Variants in CHST11 observed in about 807,000 individuals in gnomAD.
CHST11 encodes carbohydrate sulfotransferase 11, also known as C4S-1.
A neutral mutation model predicts 30.4 loss-of-function variants in CHST11; 9 were observed. The observed-to-expected ratio is 0.30, with a 90% confidence interval of 0.18 to 0.52. The LOEUF is 0.52. Among genes scored for constraint, CHST11 ranks in the 20% least tolerant of loss-of-function variants. CHST11 has a pLI of 0.97. For synonymous variants in CHST11, 152 were observed against 187.8 expected, an observed-to-expected ratio of 0.81 and a Z score of 1.56; for missense variants, 348 against 460.6, an observed-to-expected ratio of 0.76 and a Z score of 2.24.
chr12:104,753,420 A>C (rs2040450322), intron 2 of CHST11, among the ~76,000 whole-genome samples: 1 of 152,250 alleles, frequency 6.6e-6, no homozygotes, highest in African/African-American at 2.4e-5. Context: ...GTTAGGTGTC[A>C]TCATCATCCT....
chr12:104,676,048 A>ATCC lies in CHST11; in HGVS notation c.204+74057_204+74058insTCC, dbSNP rs1187321428. On this transcript the variant is annotated intron_variant, in intron 2 of 2. Transcript: ENST00000303694. The surrounding 1 kb of genome is among the most constrained non-coding windows in gnomAD (Gnocchi z 4.4). Reference sequence around the variant, plus strand: ...ACTCCTATAATTCTGTCTGCATAGGAAAGACCTGTTCAATGATCATCTTTT... The same window carrying ATCC: ...ACTCCTATAATTCTGTCTGCATAGGATCCAAGACCTGTTCAATGATCATCTTTT... 6.6e-6 allele frequency among the ~76,000 whole-genome samples: 1 copy of ATCC among 152,202 alleles called. No homozygotes were observed. Among genetic ancestry groups the ATCC allele is most frequent in the African/African-American group, 2.4e-5 (1 of 41,454 alleles).
chr12:104,484,337 G>A (rs1418599883), intron 1 of CHST11, among the ~76,000 whole-genome samples: 1 of 152,184 alleles, frequency 6.6e-6, no homozygotes, highest in Non-Finnish European at 1.5e-5. Flanking sequence ...GCTCTGGGAA[G>A]TCCTGCCATT....
At chr12:104,611,778 G>A (rs1566007441) in intron 2 of CHST11, among the ~76,000 whole-genome samples, 4 of 152,192 alleles carry the variant, frequency 2.6e-5, no homozygotes, top group Admixed American at 6.5e-5. Flanking sequence ...TCCGGAAAGC[G>A]TAAGTGTGAG....
chr12:104,476,127 TATA>T (rs924121922), intron 1 of CHST11, among the ~76,000 whole-genome samples: 3 of 143,874 alleles, frequency 2.1e-5, no homozygotes, highest in Non-Finnish European at 3.0e-5. Context: ...TAATATATAA[TATA>T]ATATATTATA....
At chr12:104,693,161 C>T (rs990290997) in intron 2 of CHST11, among the ~76,000 whole-genome samples, 2 of 152,170 alleles carry the variant, frequency 1.3e-5, no homozygotes, top group African/African-American at 2.4e-5. Context: ...TTGGATCAGG[C>T]CCCGCCCCCC....
intron 2 of CHST11, among the ~76,000 whole-genome samples, chr12:104,743,019 A>G (rs1005689739): frequency 6.6e-6 from 1 of 152,190 alleles, no homozygotes; most frequent in African/African-American, 2.4e-5. Context: ...TAGGCACAGG[A>G]AGCCCACGAG....
intron 1 of CHST11, among the ~76,000 whole-genome samples, chr12:104,498,822 G>A (rs1253622162): frequency 6.6e-6 from 1 of 152,182 alleles, no homozygotes; most frequent in African/African-American, 2.4e-5. Flanking sequence ...TAACATTAAG[G>A]GTTTCTTTTA....
chr12:104,535,660 C>T (rs756435374), intron 1 of CHST11, among the ~76,000 whole-genome samples: 9 of 152,120 alleles, frequency 5.9e-5, no homozygotes, highest in African/African-American at 1.4e-4. Context: ...ATGGGTACAC[C>T]GAGCAGAAGG....
intron 1 of CHST11, among the ~76,000 whole-genome samples, chr12:104,483,974 T>C (rs1028409551): frequency 1.3e-5 from 2 of 152,210 alleles, no homozygotes; most frequent in Non-Finnish European, 2.9e-5. Context: ...TGGGCCTGCT[T>C]GACTCTACAG....
At chr12:104,677,761 G>A (rs996751434) in intron 2 of CHST11, among the ~76,000 whole-genome samples, 18 of 152,252 alleles carry the variant, frequency 1.2e-4, no homozygotes, top group African/African-American at 1.2e-4. Context: ...CAAGACGGGC[G>A]GTTAGAGATT....
chr12:104,560,556 A>G (rs1321912863), intron 1 of CHST11, among the ~76,000 whole-genome samples: 1 of 152,230 alleles, frequency 6.6e-6, no homozygotes, highest in Non-Finnish European at 1.5e-5. Context: ...AGCAGGCAGC[A>G]TTAGTACTTT....
chr12:104,573,084 A>G (rs2038645404), intron 1 of CHST11, among the ~76,000 whole-genome samples: 2 of 152,268 alleles, frequency 1.3e-5, no homozygotes, highest in Non-Finnish European at 2.9e-5. Context: ...ACAGAGAGCC[A>G]AATCATGAGT....
chr12:104,721,804 C>T (rs1446609319), intron 2 of CHST11, among the ~76,000 whole-genome samples: 4 of 152,198 alleles, frequency 2.6e-5, no homozygotes, highest in Non-Finnish European at 5.9e-5. Context: ...ATTTTCAAAG[C>T]ACTGCCACAT....
intron 1 of CHST11, among the ~76,000 whole-genome samples, chr12:104,488,664 CGTGTAT>C (rs539728984): frequency 1.3e-3 from 127 of 101,404 alleles, no homozygotes; most frequent in Non-Finnish European, 1.8e-3. Flanking sequence ...TGTATGTGTG[CGTGTAT>C]GTGTATGCGT....
At position 104,540,557 on chromosome 12, in the gene CHST11, A is replaced by ACATCC. The variant is rs1459648915; in HGVS notation, c.119-61347_119-61343dup. Among the ~76,000 whole-genome samples, 6 of 152,334 alleles carry ACATCC rather than the reference A, an allele frequency of 3.9e-5. No homozygotes were observed. In the East Asian group the frequency reaches 1.2e-3, roughly 29 times the overall value. On this transcript the variant is annotated intron_variant, in intron 1 of 2. Coordinates refer to ENST00000303694, the MANE Select transcript of CHST11 (RefSeq NM_018413.6). ...CCTCGAGCTATTGGGCCACAAGGGC[A>ACATCC]CATCCCCAGTGACCTGAGGCCCCTC...
intron 2 of CHST11, among the ~76,000 whole-genome samples, chr12:104,733,756 C>T (rs75675806): frequency 0.012 from 1,829 of 152,360 alleles, 40 homozygotes; most frequent in African/African-American, 0.041. Flanking sequence ...GTGGCAGAAC[C>T]AGATTCAACC....
chr12:104,738,977 G>C (rs940943475), intron 2 of CHST11, among the ~76,000 whole-genome samples: 1 of 152,262 alleles, frequency 6.6e-6, no homozygotes, highest in Non-Finnish European at 1.5e-5. Context: ...CCCTCCTGAA[G>C]ACGGAGGACC....
chr12:104,462,313 G>A (rs4964795), intron 1 of CHST11, among the ~76,000 whole-genome samples: 56,363 of 149,302 alleles, frequency 0.38, 12,954 homozygotes, highest in African/African-American at 0.63. Flanking sequence ...TATATATTCT[G>A]TATTTTTCTC....
chr12:104,686,232 T>TAAAAAAAAAAAAAAAAAAAAAAAAAAAA (rs55789725), intron 2 of CHST11, among the ~76,000 whole-genome samples: 1 of 99,140 alleles, frequency 1.0e-5, no homozygotes, highest in African/African-American at 3.4e-5. Context: ...ACTCACCTCT[T>TAAAAAAAAAAAAAAAAAAAAAAAAAAAA]AAAAAAAAAA....
Sources: gnomAD v4.1 joint callset for allele counts (sites outside exome capture counted in the v4.1 genomes callset) on GRCh38, gnomAD v4.1.1 for gene constraint, Gnocchi (gnomAD v3.1) non-coding constraint, MANE v1.5 for transcripts, NCBI Gene and HGNC (gene_info 2026-07-23, HGNC 2026-07-21) for gene names.